The following ZNF814 variants were observed in gnomAD, a reference collection of about 807,000 sequenced individuals.
ZNF814 encodes zinc finger protein 814.
Under a neutral mutation model 7.5 loss-of-function variants are expected in ZNF814, and 5 were observed. That is an observed-to-expected ratio of 0.67 (90% CI 0.35 to 1.40). The LOEUF (loss-of-function observed/expected upper bound fraction) is 1.40, where lower values mean the gene tolerates loss of function less well. Ranked by LOEUF, ZNF814 falls within the 40% of genes most tolerant of loss-of-function variation. The pLI, the probability that ZNF814 is intolerant of heterozygous loss-of-function variation, is 0.04. For synonymous variants in ZNF814, 315 were observed against 340.7 expected, an observed-to-expected ratio of 0.92 and a Z score of 0.83; for missense variants, 962 against 1,018.0, an observed-to-expected ratio of 0.94 and a Z score of 0.75.
the ZNF814 span, among the ~76,000 whole-genome samples, chr19:57,904,960 C>T: frequency 6.8e-6 from 1 of 147,418 alleles, no homozygotes; most frequent in South Asian, 2.1e-4. Flanking sequence ...TGAGGCAGAA[C>T]TGCTTGAACT....
At chr19:57,897,432 C>G in the ZNF814 span, among the ~76,000 whole-genome samples, 3 of 152,130 alleles carry the variant, frequency 2.0e-5, no homozygotes, top group African/African-American at 7.2e-5. Context: ...AAAACTATTA[C>G]CATCAATCAA....
intron 1 of ZNF814, chr19:57,885,771 T>C (rs751877603): frequency 6.6e-6 from 1 of 151,848 alleles, no homozygotes; most frequent in African/African-American, 2.4e-5. Flanking sequence ...AACAACCTAA[T>C]TGTACATTTT....
the ZNF814 span, among the ~76,000 whole-genome samples, chr19:57,898,578 T>G: frequency 6.6e-6 from 1 of 152,150 alleles, no homozygotes; most frequent in African/African-American, 2.4e-5. Flanking sequence ...TTAAAAGAAT[T>G]AGTACAGGAA....
At chr19:57,884,264 C>A (rs964740835) in intron 1 of ZNF814, among the ~76,000 whole-genome samples, 1 of 152,116 alleles carries the variant, frequency 6.6e-6, no homozygotes, top group African/African-American at 2.4e-5. Context: ...TCAAACAACT[C>A]TATAGGAAAA....
upstream of ZNF814, among the ~76,000 whole-genome samples, chr19:57,893,355 C>G (rs112041493): frequency 0.81 from 122,810 of 151,526 alleles, 50,037 homozygotes; most frequent in African/African-American, 0.89. Context: ...TGTATTTTTA[C>G]TACAGACAAG....
chr19:57,875,596 G>C (rs757441886), intron 2 of ZNF814, among the ~76,000 whole-genome samples: 10 of 152,188 alleles, frequency 6.6e-5, no homozygotes, highest in Admixed American at 4.6e-4. Context: ...TACTCGAGGA[G>C]AGTTTAACAA....
chr19:57,872,244 A>G lies in ZNF814; in HGVS notation c.*578T>C, dbSNP rs2071562217. The stretch of plus-strand genomic sequence containing the variant: ...CTCAAAGGGTTACATTGAAAAAGAA[A>G]TAACATTCCATATACATCTATGGTG... On this transcript the variant is annotated 3_prime_UTR_variant, in exon 3 of 3. Coordinates refer to ENST00000435989, the MANE Select transcript of ZNF814 (RefSeq NM_001144989.2). Among the ~76,000 whole-genome samples, 2 of 152,236 alleles carry G rather than the reference A, an allele frequency of 1.3e-5. No individual in the cohort carries two copies. Among genetic ancestry groups the G allele is most frequent in the Non-Finnish European group, 2.9e-5 (2 of 68,038 alleles).
chr19:57,891,122 C>T (rs2071732160), upstream of ZNF814, among the ~76,000 whole-genome samples: 1 of 152,204 alleles, frequency 6.6e-6, no homozygotes, highest in South Asian at 2.1e-4. Flanking sequence ...CACTGCAACA[C>T]TCCCATCAGT....
intron 1 of ZNF814, among the ~76,000 whole-genome samples, chr19:57,888,128 T>C (rs2071708158): frequency 1.3e-5 from 2 of 152,274 alleles, no homozygotes; most frequent in South Asian, 2.1e-4. Context: ...AGTGTGGCGT[T>C]TTTCTAACTC....
chr19:57,877,321 G>A (rs1158121878), intron 1 of ZNF814, among the ~76,000 whole-genome samples: 1 of 152,156 alleles, frequency 6.6e-6, no homozygotes, highest in Non-Finnish European at 1.5e-5. Context: ...CAGCACAGCA[G>A]AGATACCCTC....
chr19:57,873,593 A>G lies in ZNF814; in HGVS notation c.1797T>C (p.Thr599=). Residue 599 remains threonine (T), a synonymous_variant, in exon 3 of 3, where the codon ACT becomes ACC. Transcript: ENST00000435989. ...CTCCACACTCATAAGGCCTCTCTCC[A>G]GTATGAACGCGCTGATGGCTCCTAA... ...GHLRSHQRVH[T]GERPYECGEC... is the part of the protein sequence containing the mutation. The G allele has an allele frequency of 6.2e-7, 1 of 1,613,736 alleles. No individual in the cohort carries two copies. Among genetic ancestry groups the G allele is most frequent in the Non-Finnish European group, 8.5e-7 (1 of 1,179,894 alleles).
In ZNF814 at chr19:57,871,703, T is replaced by C. The variant is rs1378474210; in HGVS notation, c.*1119A>G. The C allele has an allele frequency of 6.7e-6, 1 of 149,724 alleles. No individual in the cohort carries two copies. Among genetic ancestry groups the C allele is most frequent in the East Asian group, 2.0e-4 (1 of 5,102 alleles). 9.3% of individuals were successfully genotyped at this position (149,724 alleles called of 1,614,324 possible). On this transcript the variant is annotated 3_prime_UTR_variant, in exon 3 of 3. Transcript: ENST00000435989. ...ACGTAAGAGGCCTCTGGGATAAAAATGGGTAACGTCCATGGCATGACTTAT... is the reference window on the plus strand; with the variant it reads ...ACGTAAGAGGCCTCTGGGATAAAAACGGGTAACGTCCATGGCATGACTTAT...
chr19:57,869,958 A>AAAAAAAAAAAAAAAAT lies in ZNF814; in HGVS notation c.*2863_*2864insATTTTTTTTTTTTTTT, dbSNP rs2071542895. The AAAAAAAAAAAAAAAAT allele has an allele frequency of 7.1e-6, 1 of 141,406 alleles. No individual in the cohort carries two copies. The highest frequency in any genetic ancestry group is 2.7e-5 in the African/African-American group (1 of 37,008). 8.8% of individuals were successfully genotyped at this position (141,406 alleles called of 1,614,324 possible). Reference sequence around the variant, plus strand: ...ACTCTGTCTCAAAAAAAAAAAAAAAAGGTTGGGCACGGTGGCTCATGCCTA... The same window carrying AAAAAAAAAAAAAAAAT: ...ACTCTGTCTCAAAAAAAAAAAAAAAAAAAAAAAAAAAAAAATGGTTGGGCACGGTGGCTCATGCCTA... On this transcript the variant is annotated 3_prime_UTR_variant, in exon 3 of 3. Coordinates refer to ENST00000435989, the MANE Select transcript of ZNF814 (RefSeq NM_001144989.2).
At chr19:57,898,160 GC>G in the ZNF814 span, among the ~76,000 whole-genome samples, 1 of 152,204 alleles carries the variant, frequency 6.6e-6, no homozygotes, top group African/African-American at 2.4e-5. Context: ...TGGAGTAGGA[GC>G]TGCTTCAGAA....
Position 57,871,809 on chromosome 19 carries a change from TAAAAAAA to T in ZNF814, c.*1006_*1012del, listed in dbSNP as rs10676349. On this transcript the variant is annotated 3_prime_UTR_variant, in exon 3 of 3. Coordinates refer to ENST00000435989, the MANE Select transcript of ZNF814 (RefSeq NM_001144989.2). ...TGTGACTCGATCAGAAATTAAAAGTTAAAAAAAAAAAAAAAAAAGGCCAGGCACAGTA... is the reference window on the plus strand; with the variant it reads ...TGTGACTCGATCAGAAATTAAAAGTTAAAAAAAAAAAGGCCAGGCACAGTA... 3.2e-5 allele frequency: 4 copies of T among 125,918 alleles called. No homozygotes were observed. The highest frequency in any genetic ancestry group is 8.2e-5 in the Admixed American group (1 of 12,260). 7.8% of individuals were successfully genotyped at this position (125,918 alleles called of 1,614,324 possible).
chr19:57,874,951 G>T lies in ZNF814; in HGVS notation c.439C>A (p.Pro147Thr), dbSNP rs776940617. ...QHQNEHIGEKPYRGSVEEALF... is the reference protein window; with the variant it reads ...QHQNEHIGEKTYRGSVEEALF... ...GCCTCCTCAACACTCCCTCTGTAGG[G>T]TTTCTCTCCAATGTGCTCATTCTGG... is the stretch of plus-strand genomic sequence containing the variant. Residue 147 changes from proline to threonine, a missense_variant, in exon 3 of 3, where the codon CCC (proline) becomes ACC (threonine). Around this residue, in one of 7 missense-constraint regions of ZNF814, gnomAD observed 65 missense variants for 131.3 expected, o/e 0.50. Transcript: ENST00000435989. 3.1e-6 allele frequency: 5 copies of T among 1,612,782 alleles called. No homozygotes were observed. In the African/African-American group the frequency reaches 5.3e-5, roughly 17 times the overall value.
At chr19:57,887,322 ACT>A (rs2071701163) in intron 1 of ZNF814, among the ~76,000 whole-genome samples, 1 of 152,176 alleles carries the variant, frequency 6.6e-6, no homozygotes. Context: ...GCAGCTCAAA[ACT>A]CAGCATCTGC....
intron 1 of ZNF814, among the ~76,000 whole-genome samples, chr19:57,878,712 G>GCCTAC (rs1431306542): frequency 2.0e-5 from 3 of 152,108 alleles, no homozygotes; most frequent in Admixed American, 6.6e-5. Context: ...ACCCGCCTCA[G>GCCTAC]CCTACTAAAG....
rs916829383 is a variant in ZNF814, at chr19:57,878,102, G to A, written c.37-1060C>T. ...AATCGCTTGAACCCAGGAGGCAGAA[G>A]TTGCAGTGAGCCGAGATTGCGCCGT... On this transcript the variant is annotated intron_variant, in intron 1 of 2. Transcript: ENST00000435989. 2.1e-5 allele frequency among the ~76,000 whole-genome samples: 3 copies of A among 146,010 alleles called. No homozygotes were observed. The Admixed American group carries it at 2.1e-4, about 10-fold the overall frequency.
Sources: gnomAD v4.1 joint callset for allele counts (sites outside exome capture counted in the v4.1 genomes callset) on GRCh38, gnomAD v4.1.1 for gene constraint, gnomAD v4.1.1 regional missense constraint, MANE v1.5 for transcripts, NCBI Gene and HGNC (gene_info 2026-07-23, HGNC 2026-07-21) for gene names.